Variants in RXRA observed in about 807,000 individuals in gnomAD.
RXRA encodes the protein retinoid X receptor alpha.
Under a neutral mutation model 44.5 loss-of-function variants are expected in RXRA, and 5 were observed. That is an observed-to-expected ratio of 0.11 (90% CI 0.06 to 0.24). RXRA has a LOEUF of 0.24. Among genes scored for constraint, RXRA ranks in the 10% least tolerant of loss-of-function variants. RXRA has a pLI of 1.00. For missense variants in RXRA, 412 were observed against 646.5 expected (o/e 0.64, Z 3.93); for synonymous variants, 291 against 271.4 (o/e 1.07, Z -0.71).
intron 1 of RXRA, among the ~76,000 whole-genome samples, chr9:134,348,635 A>C (rs537539034): frequency 6.6e-6 from 1 of 152,220 alleles, no homozygotes; most frequent in Non-Finnish European, 1.5e-5. Context: ...TGGCACTGCG[A>C]TGGAGGGCTG....
chr9:134,405,879 T>C (rs941925830), intron 2 of RXRA: 3 of 152,454 alleles, frequency 2.0e-5, no homozygotes, highest in Admixed American at 2.0e-4. Context: ...ACCTACTTCT[T>C]TCCTTTTTTC....
chr9:134,424,114 C>T (rs34587324), intron 6 of RXRA: 9 of 980,624 alleles, frequency 9.2e-6, no homozygotes, highest in Middle Eastern at 1.0e-3. Context: ...TGAGGGCCTG[C>T]GTGGGGTGGT....
chr9:134,380,167 C>T (rs1412069457), intron 1 of RXRA: 9 of 985,330 alleles, frequency 9.1e-6, no homozygotes, highest in African/African-American at 7.0e-5. Flanking sequence ...AGGGCAGGTG[C>T]GTGTGTTGGG....
At chr9:134,338,029 T>C (rs1314621541) in intron 1 of RXRA, among the ~76,000 whole-genome samples, 3 of 152,150 alleles carry the variant, frequency 2.0e-5, no homozygotes, top group African/African-American at 7.2e-5. Flanking sequence ...GTCCTTGCCC[T>C]CGTGGGCTGC....
In RXRA at chr9:134,427,400, C is replaced by A. The variant is rs1250030997; in HGVS notation, c.911-1708C>A. 2.0e-5 allele frequency among the ~76,000 whole-genome samples: 3 copies of A among 152,178 alleles called. No homozygotes were observed. In the East Asian group the frequency reaches 5.8e-4, roughly 29 times the overall value. ...GGGATGCATGACAGGCGGGGAGGTG[C>A]CAGTCCCGAGTCTGTGACGGTATTT... On this transcript the variant is annotated intron_variant, in intron 6 of 9. Coordinates refer to ENST00000481739, the MANE Select transcript of RXRA (RefSeq NM_002957.6).
Position 134,417,338 on chromosome 9 carries a change from G to A in RXRA, c.780+11G>A, listed in dbSNP as rs781014291. 2.5e-6 allele frequency: 4 copies of A among 1,612,454 alleles called. No homozygotes were observed. Among genetic ancestry groups the A allele is most frequent in the African/African-American group, 1.3e-5 (1 of 74,930 alleles). On this transcript the variant is annotated intron_variant, in intron 5 of 9. Transcript: ENST00000481739. This position sits in a 1 kb window ranked among gnomAD's most constrained non-coding sequence, Gnocchi z 6.1. The stretch of plus-strand genomic sequence containing the variant: ...CTGAACCCCAGCTCGGTGAGTTGCA[G>A]CCTGTGCAGGGGTGGGCAGCCTCAC...
chr9:134,405,993 G>A (rs2119151580), intron 2 of RXRA: 2 of 152,460 alleles, frequency 1.3e-5, no homozygotes, highest in South Asian at 2.1e-4. Context: ...CCTCCAGGAA[G>A]CTTGAGTGCT....
At chr9:134,391,925 C>T (rs978631605) in intron 1 of RXRA, among the ~76,000 whole-genome samples, 1 of 152,226 alleles carries the variant, frequency 6.6e-6, no homozygotes, top group African/African-American at 2.4e-5. Flanking sequence ...CCCCTTGTCA[C>T]CACACTTCTG....
chr9:134,400,998 A>T (rs902039602), intron 1 of RXRA, among the ~76,000 whole-genome samples: 2 of 152,184 alleles, frequency 1.3e-5, no homozygotes, highest in African/African-American at 4.8e-5. Flanking sequence ...GGTTAGGGCC[A>T]CAGACATGGG....
At chr9:134,377,245 G>A (rs1241953138) in intron 1 of RXRA, among the ~76,000 whole-genome samples, 1 of 152,222 alleles carries the variant, frequency 6.6e-6, no homozygotes, top group Non-Finnish European at 1.5e-5. Context: ...ATCTCCGCCA[G>A]CCCCAGGGGT....
chr9:134,432,046 G>C (rs1831540797), intron 8 of RXRA, 50 bp downstream of exon 8: 1 of 1,460,594 alleles, frequency 6.8e-7, no homozygotes, highest in Admixed American at 1.7e-5. Context: ...TGGTGGGGCA[G>C]AGGTGCCTGG....
At chr9:134,428,417 G>A (rs1389938224) in intron 6 of RXRA, among the ~76,000 whole-genome samples, 3 of 63,112 alleles carry the variant, frequency 4.8e-5, no homozygotes, top group African/African-American at 2.0e-4. Context: ...CTAACCACCC[G>A]CCCCAGGGAA....
chr9:134,347,325 C>T (rs141338373), intron 1 of RXRA, among the ~76,000 whole-genome samples: 23 of 152,334 alleles, frequency 1.5e-4, no homozygotes, highest in African/African-American at 5.3e-4. Flanking sequence ...GCAGATGACG[C>T]GCCCTGCCGC....
chr9:134,362,484 C>T (rs77699760), intron 1 of RXRA, among the ~76,000 whole-genome samples: 31 of 152,356 alleles, frequency 2.0e-4, no homozygotes, highest in South Asian at 1.7e-3. Flanking sequence ...CCAGCTCCCG[C>T]CAGACCGTGA....
At chr9:134,371,617 G>A (rs950057481) in intron 1 of RXRA, among the ~76,000 whole-genome samples, 1 of 152,256 alleles carries the variant, frequency 6.6e-6, no homozygotes, top group Non-Finnish European at 1.5e-5. Context: ...TTGGGGCAGG[G>A]CCTGGCGGCC....
At chr9:134,434,037 C>T in intron 8 of RXRA, 65 bp from the exon 9 acceptor site, 1 of 1,261,372 alleles carries the variant, frequency 7.9e-7, no homozygotes, top group Non-Finnish European at 1.1e-6. Context: ...AAGCCTGGGT[C>T]CTGGGGGCAG....
intron 6 of RXRA, chr9:134,422,597 C>T: frequency 5.7e-6 from 5 of 883,324 alleles, no homozygotes; most frequent in Non-Finnish European, 6.5e-6. Flanking sequence ...GGGACACTCC[C>T]CGCTCCCAGG....
chr9:134,340,514 C>T (rs1367632053), intron 1 of RXRA, among the ~76,000 whole-genome samples: 2 of 152,152 alleles, frequency 1.3e-5, no homozygotes, highest in East Asian at 3.9e-4. Flanking sequence ...CTAAGTGGGG[C>T]TCACGTGGCA....
At chr9:134,378,289 G>A (rs1335793945) in intron 1 of RXRA, among the ~76,000 whole-genome samples, 1 of 152,258 alleles carries the variant, frequency 6.6e-6, no homozygotes, top group Non-Finnish European at 1.5e-5. Context: ...GGTCAGCGCT[G>A]GGGAGCCAGG....
Sources: gnomAD v4.1 joint callset for allele counts (sites outside exome capture counted in the v4.1 genomes callset) on GRCh38, gnomAD v4.1.1 for gene constraint, Gnocchi (gnomAD v3.1) non-coding constraint, MANE v1.5 for transcripts, NCBI Gene and HGNC (gene_info 2026-07-23, HGNC 2026-07-21) for gene names.